USP9Y: variants seen among roughly 807,000 people sequenced by gnomAD.
USP9Y encodes ubiquitin carboxyl-terminal hydrolase 9Y.
USP9Y carries 41 observed loss-of-function variants against 53.1 expected under a neutral mutation model. The ratio of observed to expected loss-of-function variants is 0.77; its 90% CI spans 0.60 to 1.00. The LOEUF is 1.00. USP9Y is among the 50% of genes least tolerant of loss of function. The pLI, the probability that USP9Y is intolerant of heterozygous loss-of-function variation, is 0.00. For synonymous variants in USP9Y, 220 were observed against 173.7 expected, an observed-to-expected ratio of 1.27 and a Z score of -2.09; for missense variants, 567 against 535.8, an observed-to-expected ratio of 1.06 and a Z score of -0.58.
intron 12 of USP9Y, among the ~76,000 whole-genome samples, chrY:12,743,834 C>A: frequency 1.2e-4 from 4 of 32,101 alleles, no homozygotes; most frequent in African/African-American, 4.9e-4. Context: ...TAATGCAATG[C>A]TTATTTCTCT....
intron 3 of USP9Y, among the ~76,000 whole-genome samples, chrY:12,714,545 A>G (rs750124874): frequency 3.4e-5 from 1 of 29,542 alleles, no homozygotes; most frequent in South Asian, 7.8e-4. Flanking sequence ...TGCTGAAGCT[A>G]TTCTCCCATG....
At chrY:12,852,138 A>T (rs1569393245) in intron 42 of USP9Y, among the ~76,000 whole-genome samples, 1 of 33,368 alleles carries the variant, frequency 3.0e-5, no homozygotes, top group East Asian at 7.9e-4. Context: ...CATTCTCCCC[A>T]TCACTTTCAG....
intron 19 of USP9Y, 44 bp downstream of exon 19, chrY:12,776,904 ATAT>A (rs2053493107): frequency 3.2e-6 from 1 of 315,576 alleles, no homozygotes; most frequent in Non-Finnish European, 4.7e-6. Flanking sequence ...CAATTACTTA[ATAT>A]TTTCTTAGAA....
intron 1 of USP9Y, among the ~76,000 whole-genome samples, chrY:12,707,192 C>G (rs2053420087): frequency 3.0e-5 from 1 of 33,538 alleles, no homozygotes; most frequent in East Asian, 7.8e-4. Flanking sequence ...AATCTCGGCT[C>G]ACCGCAACCT....
At position 12,847,091 on chromosome Y, in the gene USP9Y, C is replaced by A. The variant is rs1171938397; in HGVS notation, c.6913C>A (p.Arg2305Ser). 5.0e-6 allele frequency: 2 copies of A among 398,962 alleles called. No homozygotes were observed. Among genetic ancestry groups the A allele is most frequent in the Admixed American group, 1.5e-4 (2 of 13,508 alleles). Reference protein sequence around the residue: ...SNSEDTIKLLRFCSWENPQFS... With the variant: ...SNSEDTIKLLSFCSWENPQFS... ...CTCAGAGGATACCATCAAATTACTT[C>A]GCTTTTGCTCTTGGGAGAATCCTCA... Residue 2305 changes from arginine to serine, a missense_variant, in exon 41 of 46, where the codon CGC becomes AGC. By Grantham distance (110) the Arg-to-Ser change is moderately radical. Coordinates refer to ENST00000338981, the MANE Select transcript of USP9Y (RefSeq NM_004654.4).
chrY:12,781,959 G>C (rs765819624), intron 22 of USP9Y, among the ~76,000 whole-genome samples: 25 of 33,470 alleles, frequency 7.5e-4, no homozygotes, highest in African/African-American at 2.9e-3. Flanking sequence ...ATACTTTCCA[G>C]AAGGCTTTCA....
At chrY:12,814,689 A>G (rs2053535156) in intron 31 of USP9Y, among the ~76,000 whole-genome samples, 1 of 32,941 alleles carries the variant, frequency 3.0e-5, no homozygotes, top group Non-Finnish European at 7.4e-5. Flanking sequence ...CTGTCTATGC[A>G]TTTATATGTA....
At chrY:12,825,084 G>A in intron 33 of USP9Y, among the ~76,000 whole-genome samples, 1 of 31,949 alleles carries the variant, frequency 3.1e-5, no homozygotes, top group Non-Finnish European at 7.6e-5. Context: ...CCATCACCAT[G>A]CCCAGCTAAT....
At chrY:12,826,235 G>A in intron 33 of USP9Y, among the ~76,000 whole-genome samples, 3 of 31,042 alleles carry the variant, frequency 9.7e-5, no homozygotes, top group African/African-American at 3.8e-4. Context: ...ACCATGCCAG[G>A]CCAGTAAACG....
chrY:12,721,863 C>A (rs2053435818), intron 4 of USP9Y, among the ~76,000 whole-genome samples: 1 of 32,964 alleles, frequency 3.0e-5, no homozygotes, highest in East Asian at 7.9e-4. Flanking sequence ...AAAGAATTCC[C>A]TGCCATTGCT....
chrY:12,742,970 C>T (rs978400648), intron 12 of USP9Y, among the ~76,000 whole-genome samples: 5 of 32,814 alleles, frequency 1.5e-4, no homozygotes, highest in Non-Finnish European at 3.0e-4. Flanking sequence ...CTAACCAGAC[C>T]GCCAGTCGGC....
rs764170480 is a variant in USP9Y at position 12,738,179 on chromosome Y, T to C, written c.1187T>C (p.Ile396Thr). The C allele has an allele frequency of 2.5e-6, 1 of 393,695 alleles. No homozygotes were observed. The highest frequency in any genetic ancestry group is 6.0e-4 in the Middle Eastern group (1 of 1,674). The change falls in exon 11 of 46, where the codon ATC becomes ACC. Residue 396 changes from isoleucine (I) to threonine (T), a missense_variant. Transcript: ENST00000338981. ...RMAEWIQQNN[I>T]LSIVLQDSLH... ...TAGGAATGGATACAGCAAAATAATA[T>C]CTTATCCATAGTCTTGCAAGACAGT...
At chrY:12,722,505 G>A (rs2053436907) in intron 5 of USP9Y, among the ~76,000 whole-genome samples, 1 of 32,510 alleles carries the variant, frequency 3.1e-5, no homozygotes, top group Non-Finnish European at 7.5e-5. Flanking sequence ...ATAATTTTAT[G>A]TGTACAACCA....
intron 27 of USP9Y, 97 bp from the exon 28 acceptor site, chrY:12,810,082 G>A: frequency 3.9e-6 from 1 of 254,421 alleles, no homozygotes; most frequent in South Asian, 3.6e-5. Flanking sequence ...GGGTTACCTT[G>A]TATTTTACTA....
rs201081322 is a variant in USP9Y at position 12,857,121 on chromosome Y, C to CT, written c.7434+287dup. The CT allele has an allele frequency of 2.4e-3, 157 of 65,281 alleles. No individual in the cohort carries two copies. In the East Asian group the frequency reaches 0.039, roughly 16 times the overall value. The allele number at this position is 65,281 out of a possible 400,897, so 16.3% of individuals were successfully genotyped here. A position where few individuals can be genotyped will look rare whatever the true frequency, so the allele number is the denominator to read the frequency against. On this transcript the variant is annotated intron_variant, in intron 44 of 45. Transcript: ENST00000338981. ...TTGTCTTTGTTTGCTTTTGCTTTTT[C>CT]TTTTTTTTTTTGAGTCTCACCCTAT... is the stretch of plus-strand genomic sequence containing the variant.
At chrY:12,796,011 G>A in intron 27 of USP9Y, among the ~76,000 whole-genome samples, 2 of 33,218 alleles carry the variant, frequency 6.0e-5, no homozygotes, top group African/African-American at 1.2e-4. Flanking sequence ...TTTCATATAC[G>A]GCCTTTATGC....
At position 12,736,819 on chromosome Y, in the gene USP9Y, A is replaced by G. The variant is rs767089263; in HGVS notation, c.1164+270A>G. 2.5e-4 allele frequency among the ~76,000 whole-genome samples: 8 copies of G among 32,459 alleles called. No individual in the cohort carries two copies. The East Asian group carries it at 4.7e-3, about 19-fold the overall frequency. The allele number at this position is 32,459 out of a possible 37,273, so 87.1% of individuals were successfully genotyped here. A position where few individuals can be genotyped will look rare whatever the true frequency, so the allele number is the denominator to read the frequency against. On this transcript the variant is annotated intron_variant, in intron 10 of 45. Transcript: ENST00000338981. The stretch of plus-strand genomic sequence containing the variant: ...GGCTTGGTTGAAATGAAATAGTAAG[A>G]TGTGATTTTCGGAGGGGTTGAGTGG...
chrY:12,733,171 G>A (rs2053448484), intron 7 of USP9Y, among the ~76,000 whole-genome samples: 2 of 31,784 alleles, frequency 6.3e-5, no homozygotes, highest in Non-Finnish European at 1.5e-4. Context: ...CGCCCGCCGC[G>A]GCCTCCCAAA....
In USP9Y at chrY:12,840,771, T is replaced by C. The variant is rs72625381; in HGVS notation, c.6088+157T>C. Among the ~76,000 whole-genome samples, 97 of 33,197 alleles carry C rather than the reference T, an allele frequency of 2.9e-3. No homozygotes were observed. In the East Asian group the frequency reaches 0.074, roughly 25 times the overall value. 89.1% of individuals were successfully genotyped at this position (33,197 alleles called of 37,273 possible). A position where few individuals can be genotyped will look rare whatever the true frequency, so the allele number is the denominator to read the frequency against. On this transcript the variant is annotated intron_variant, in intron 36 of 45. Coordinates refer to ENST00000338981, the MANE Select transcript of USP9Y (RefSeq NM_004654.4). ...CATTTTATATGAATGTGTTGGCTTT[T>C]TTGGTATAGTTATTTTAAAATGAAA... is the stretch of plus-strand genomic sequence containing the variant.
Sources: allele counts gnomAD v4.1 joint callset (sites outside exome capture counted in the v4.1 genomes callset), GRCh38; gene constraint gnomAD v4.1.1; transcripts MANE v1.5; gene names NCBI Gene and HGNC (gene_info 2026-07-23, HGNC 2026-07-21).